The following PIKFYVE variants were observed in gnomAD, a reference collection of about 807,000 sequenced individuals.
The protein encoded by PIKFYVE is phosphoinositide kinase, FYVE-type zinc finger containing.
In PIKFYVE, 122 loss-of-function variants were observed where a neutral mutation model predicts 257.9. That is an observed-to-expected ratio of 0.47 (90% confidence interval 0.41 to 0.55). The LOEUF (loss-of-function observed/expected upper bound fraction) is 0.55. PIKFYVE is among the 20% of genes least tolerant of loss of function. PIKFYVE has a pLI of 0.00. For missense variants in PIKFYVE, 2,160 were observed against 2,536.6 expected (o/e 0.85, Z 3.19); for synonymous variants, 892 against 868.9 (o/e 1.03, Z -0.47).
intron 16 of PIKFYVE, among the ~76,000 whole-genome samples, chr2:208,319,787 T>C (rs1047769980): frequency 6.6e-6 from 1 of 152,238 alleles, no homozygotes; most frequent in African/African-American, 2.4e-5. Context: ...AATGATTGTT[T>C]GGAAATTTAT....
At chr2:208,328,342 A>C in intron 21 of PIKFYVE, 62 bp downstream of exon 21, 1 of 1,603,332 alleles carries the variant, frequency 6.2e-7, no homozygotes, top group Non-Finnish European at 8.5e-7. Flanking sequence ...ATTAAAAAAA[A>C]ACAAAAACAA....
intron 12 of PIKFYVE, among the ~76,000 whole-genome samples, chr2:208,308,432 C>A (rs1694595700): frequency 6.6e-6 from 1 of 151,314 alleles, no homozygotes; most frequent in Non-Finnish European, 1.5e-5. Flanking sequence ...CCATATTATT[C>A]TTAGTGGTGA....
intron 12 of PIKFYVE, among the ~76,000 whole-genome samples, chr2:208,311,559 G>A (rs1220386645): frequency 6.6e-6 from 1 of 152,114 alleles, no homozygotes; most frequent in Non-Finnish European, 1.5e-5. Flanking sequence ...AAAGTTCACG[G>A]GGAAGTAAAG....
At chr2:208,336,406 A>G (rs977168544) in intron 27 of PIKFYVE, among the ~76,000 whole-genome samples, 1 of 152,130 alleles carries the variant, frequency 6.6e-6, no homozygotes, top group African/African-American at 2.4e-5. Flanking sequence ...GTAAAAACCA[A>G]AGAGGAGAAC....
chr2:208,298,677 T>C lies in PIKFYVE; in HGVS notation c.948T>C (p.Ser316=), dbSNP rs1559078332. The change falls in exon 8 of 42, where the codon TCT becomes TCC. Residue 316 remains serine, a synonymous_variant. Coordinates refer to ENST00000264380, the MANE Select transcript of PIKFYVE (RefSeq NM_015040.4). ...ASITNLSLDR[S]GSPMVPSYET... ...TTACTAACCTGTCACTGGATAGATC[T>C]GGTTCTCCTATGGTACCTTCATATG... 1 of 1,614,158 alleles carries C rather than the reference T, an allele frequency of 6.2e-7. No homozygotes were observed.
At position 208,271,633 on chromosome 2, in the gene PIKFYVE, T is replaced by A. The variant is rs751431212; in HGVS notation, c.114T>A (p.Asp38Glu). 2 of 1,614,108 alleles carry A rather than the reference T, an allele frequency of 1.2e-6. No individual in the cohort carries two copies. The highest frequency in any genetic ancestry group is 2.2e-5 in the South Asian group (2 of 91,082). The change falls in exon 2 of 42, where the codon GAT (aspartate) becomes GAA (glutamate). Residue 38 changes from aspartate (D) to glutamate (E), a missense_variant. By Grantham distance (45) the Asp-to-Glu change is conservative (BLOSUM62 2). This residue lies in a region of PIKFYVE where 172 missense variants were observed against 180.6 expected (regional missense o/e 0.95). Transcript: ENST00000264380. ...TTAAACCTTTGACTCCTGATCAAGA[T>A]GAGCCCCCTTTTAAATCAGCTTATA... Reference protein sequence around the residue: ...THFKPLTPDQDEPPFKSAYSS... With the variant: ...THFKPLTPDQEEPPFKSAYSS...
intron 23 of PIKFYVE, 54 bp downstream of exon 23, chr2:208,330,748 G>A: frequency 8.3e-7 from 1 of 1,202,946 alleles, no homozygotes; most frequent in Non-Finnish European, 1.1e-6. Flanking sequence ...TTATTTGTAT[G>A]TTTTTTTTTT....
intron 9 of PIKFYVE, 119 bp from the exon 10 acceptor site, chr2:208,302,123 A>G (rs964772416): frequency 7.2e-6 from 6 of 828,498 alleles, no homozygotes; most frequent in African/African-American, 3.4e-5. Flanking sequence ...TCCAAGGGCC[A>G]TTTGAAATTC....
chr2:208,328,239 T>C lies in PIKFYVE; in HGVS notation c.3678T>C (p.Ser1226=). 2 of 1,613,954 alleles carry C rather than the reference T, an allele frequency of 1.2e-6. No homozygotes were observed. Among genetic ancestry groups the C allele is most frequent in the Non-Finnish European group, 1.7e-6 (2 of 1,179,886 alleles). The change falls in exon 21 of 42, where the codon TCT becomes TCC. Residue 1226 remains serine (S), a synonymous_variant. Transcript: ENST00000264380. ...TTTGTGTGCTCTTCAGCAGCTCTTC[T>C]GCCCAGTCCAGCAATGCTCCTAGTG... ...QRLCVLFSSS[S]AQSSNAPSAC... is the part of the protein sequence containing the mutation.
intron 28 of PIKFYVE, among the ~76,000 whole-genome samples, chr2:208,338,182 A>G (rs1338152136): frequency 6.6e-6 from 1 of 152,208 alleles, no homozygotes; most frequent in African/African-American, 2.4e-5. Context: ...TTCAAAATGT[A>G]AAGCAGTGCT....
chr2:208,328,064 C>T, intron 20 of PIKFYVE, 116 bp from the exon 21 acceptor site: 1 of 1,567,458 alleles, frequency 6.4e-7, no homozygotes, highest in South Asian at 1.1e-5. Flanking sequence ...TAAATCTTGA[C>T]CAGAGCCCCC....
intron 28 of PIKFYVE, among the ~76,000 whole-genome samples, 190 bp downstream of exon 28, chr2:208,337,118 G>A (rs1263602955): frequency 6.6e-6 from 1 of 152,070 alleles, no homozygotes; most frequent in Admixed American, 6.5e-5. Flanking sequence ...GAAATAAAAT[G>A]ATCACTTATA....
At chr2:208,337,934 ACT>A (rs1490889324) in intron 28 of PIKFYVE, among the ~76,000 whole-genome samples, 1 of 151,710 alleles carries the variant, frequency 6.6e-6, no homozygotes, top group Admixed American at 6.6e-5. Flanking sequence ...TGTTGGCCAG[ACT>A]GATCTTAAAC....
chr2:208,342,504 C>G (rs750727971), intron 31 of PIKFYVE, 50 bp from the exon 32 acceptor site: 4 of 1,372,162 alleles, frequency 2.9e-6, no homozygotes, highest in Non-Finnish European at 4.2e-6. Flanking sequence ...TAATTATATT[C>G]TTAACTCTAG....
chr2:208,328,076 C>A, intron 20 of PIKFYVE, 104 bp from the exon 21 acceptor site: 2 of 1,585,312 alleles, frequency 1.3e-6, no homozygotes, highest in South Asian at 2.2e-5. Context: ...AGAGCCCCCA[C>A]AGTGATAATT....
At chr2:208,273,935 C>A (rs1258309990) in intron 3 of PIKFYVE, 2 of 1,494,800 alleles carry the variant, frequency 1.3e-6, no homozygotes, top group East Asian at 2.4e-5. Flanking sequence ...TGAAAAAATT[C>A]TTAAACGTCT....
At chr2:208,276,367 T>C (rs2043720) in intron 3 of PIKFYVE, among the ~76,000 whole-genome samples, 146,340 of 152,252 alleles carry the variant, frequency 0.96, 70,476 homozygotes, top group East Asian at 1. Context: ...ATTTCTAGCA[T>C]GCATTTATTA....
chr2:208,273,894 T>TA, intron 3 of PIKFYVE, 161 bp downstream of exon 3: 1 of 1,369,494 alleles, frequency 7.3e-7, no homozygotes, highest in Admixed American at 2.0e-5. Context: ...ATAAAACTCT[T>TA]ACCTCGGTAG....
chr2:208,284,743 C>T (rs555154915), intron 5 of PIKFYVE, among the ~76,000 whole-genome samples: 1 of 152,140 alleles, frequency 6.6e-6, no homozygotes, highest in South Asian at 2.1e-4. Flanking sequence ...TATGTTGTTT[C>T]CATTTGTGTT....
Sources: allele counts gnomAD v4.1 joint callset (sites outside exome capture counted in the v4.1 genomes callset), GRCh38; gene constraint gnomAD v4.1.1; regional missense constraint gnomAD v4.1.1; transcripts MANE v1.5; gene names NCBI Gene and HGNC (gene_info 2026-07-23, HGNC 2026-07-21).